FOXN3: variants seen among roughly 807,000 people sequenced by gnomAD.
The protein encoded by FOXN3 is forkhead box protein N3.
Under a neutral mutation model 38.4 loss-of-function variants are expected in FOXN3, and 7 were observed. The observed-to-expected ratio is 0.18, with a 90% confidence interval of 0.10 to 0.34. The LOEUF is 0.34. FOXN3 is among the 10% of genes least tolerant of loss of function. FOXN3 has a pLI of 1.00. For synonymous variants in FOXN3, 230 were observed against 242.2 expected (o/e 0.95, Z 0.47); for missense variants, 456 against 613.4 (o/e 0.74, Z 2.71).
Position 89,162,596 on chromosome 14 carries a change from G to A in FOXN3, c.1225C>T (p.Pro409Ser). Residue 409 changes from proline (P) to serine (S), a missense_variant, in exon 6 of 6, where the codon CCC (proline) becomes TCC (serine). By Grantham distance (74) the Pro-to-Ser change is moderately conservative. Coordinates refer to ENST00000557258, the MANE Select transcript of FOXN3 (RefSeq NM_005197.4). This position sits in a 1 kb window ranked among gnomAD's most constrained non-coding sequence, Gnocchi z 7.2. ...TTTTTGAGGGGCAGTGTGTCGCTGG[G>A]GACCTTCCTGGCCTTGGCGAAGTGC... ...RQHFAKARKVPSDTLPLKKRR... is the reference protein window; with the variant it reads ...RQHFAKARKVSSDTLPLKKRR... 6.2e-7 allele frequency: 1 copy of A among 1,613,888 alleles called. No homozygotes were observed. Among genetic ancestry groups the A allele is most frequent in the Non-Finnish European group, 8.5e-7 (1 of 1,179,980 alleles).
chr14:89,324,522 G>A (rs957205187), intron 3 of FOXN3, among the ~76,000 whole-genome samples: 5 of 151,780 alleles, frequency 3.3e-5, no homozygotes, highest in African/African-American at 7.3e-5. Flanking sequence ...AAAACAAAGC[G>A]GCAGTAGGAT....
At chr14:89,602,710 C>A (rs1254814757) in intron 1 of FOXN3, among the ~76,000 whole-genome samples, 14 of 152,158 alleles carry the variant, frequency 9.2e-5, no homozygotes, top group Admixed American at 5.9e-4. Context: ...CTTGGCCAGG[C>A]TGGTCTTGAA....
rs557729050 is a variant in FOXN3, at chr14:89,546,552, A to G, written c.-15+72476T>C. On this transcript the variant is annotated intron_variant, in intron 1 of 6. Coordinates refer to the FOXN3 transcript ENST00000345097. ...CACCATGTTGGCCAGGATGGTCTCA[A>G]TCTCTTGACCTCGTGATCCACCCAC... Among the ~76,000 whole-genome samples the G allele has an allele frequency of 6.0e-5, 9 of 150,756 alleles. No individual in the cohort carries two copies. The South Asian group carries it at 1.7e-3, about 28-fold the overall frequency.
At chr14:89,416,440 C>G (rs1323021340) in intron 1 of FOXN3, among the ~76,000 whole-genome samples, 1 of 152,124 alleles carries the variant, frequency 6.6e-6, no homozygotes, top group Non-Finnish European at 1.5e-5. Context: ...TGAGGGGGGT[C>G]GGGCCTCGGG....
At chr14:89,324,443 CGTGTGT>C (rs71130053) in intron 3 of FOXN3, among the ~76,000 whole-genome samples, 23,609 of 143,310 alleles carry the variant, frequency 0.16, 1,837 homozygotes, top group African/African-American at 0.21. Context: ...TAAGTGTGTG[CGTGTGT>C]GTGTGTGTGT....
chr14:89,403,559 G>C (rs953553904), intron 2 of FOXN3, among the ~76,000 whole-genome samples: 2 of 152,230 alleles, frequency 1.3e-5, no homozygotes, highest in East Asian at 3.8e-4. Flanking sequence ...ATTTACTGCA[G>C]AGAATTATCC....
chr14:89,314,622 G>A (rs1047930966), intron 3 of FOXN3, among the ~76,000 whole-genome samples: 6 of 152,168 alleles, frequency 3.9e-5, no homozygotes, highest in Admixed American at 1.3e-4. Context: ...TGCTTAATAA[G>A]TGTCGTGCAA....
intron 1 of FOXN3, among the ~76,000 whole-genome samples, chr14:89,602,820 C>G (rs1373841471): frequency 6.6e-6 from 1 of 152,080 alleles, no homozygotes; most frequent in Non-Finnish European, 1.5e-5. Context: ...AAGTCCAGCA[C>G]AACATTCACA....
intron 3 of FOXN3, among the ~76,000 whole-genome samples, chr14:89,308,352 C>G (rs1268081032): frequency 6.6e-6 from 1 of 152,242 alleles, no homozygotes; most frequent in Non-Finnish European, 1.5e-5. Flanking sequence ...GGAATTAGCT[C>G]TCCTAAAATG....
chr14:89,473,257 C>T lies in FOXN3; in HGVS notation c.-14-60767G>A, dbSNP rs148558620. ...GCCAGGATGGGCTTGATCTCCTGACCTCGTGATCCTCCCGCCTCGGCCTCC... is the reference window on the plus strand; with the variant it reads ...GCCAGGATGGGCTTGATCTCCTGACTTCGTGATCCTCCCGCCTCGGCCTCC... On this transcript the variant is annotated intron_variant, in intron 1 of 6. Transcript: ENST00000345097. 8.9e-3 allele frequency among the ~76,000 whole-genome samples: 1,354 copies of T among 152,160 alleles called. 15 individuals carry two copies. Among genetic ancestry groups the T allele is most frequent in the African/African-American group, 0.031 (1,298 of 41,520 alleles).
At chr14:89,485,356 G>C (rs1893426008) in intron 1 of FOXN3, among the ~76,000 whole-genome samples, 1 of 151,990 alleles carries the variant, frequency 6.6e-6, no homozygotes, top group Non-Finnish European at 1.5e-5. Flanking sequence ...GAACTCTCTG[G>C]ATGAGCTCCC....
intron 3 of FOXN3, among the ~76,000 whole-genome samples, chr14:89,328,468 A>AATGGGTGAAGAGACATTCCCAAC (rs2139982751): frequency 6.6e-6 from 1 of 151,994 alleles, no homozygotes; most frequent in East Asian, 1.9e-4. Flanking sequence ...GCCCTGGTTG[A>AATGGGTGAAGAGACATTCCCAAC]ATGGGTGAAG....
At chr14:89,174,359 G>A (rs1249536360) in intron 5 of FOXN3, among the ~76,000 whole-genome samples, 2 of 152,210 alleles carry the variant, frequency 1.3e-5, no homozygotes, top group Admixed American at 6.5e-5. Flanking sequence ...CAGGTGGTCA[G>A]CTCTAAGAGT....
chr14:89,487,867 G>A (rs557967758), intron 1 of FOXN3, among the ~76,000 whole-genome samples: 2 of 152,168 alleles, frequency 1.3e-5, no homozygotes, highest in South Asian at 4.2e-4. Flanking sequence ...ACGAAAGGAA[G>A]GCATCATGAA....
chr14:89,354,515 C>T (rs1439968205), intron 2 of FOXN3, among the ~76,000 whole-genome samples: 1 of 147,076 alleles, frequency 6.8e-6, no homozygotes, highest in East Asian at 2.0e-4. Flanking sequence ...GCGTGAGCCA[C>T]TGCGCCCGGC....
At chr14:89,190,211 C>T (rs1051733691) in intron 4 of FOXN3, among the ~76,000 whole-genome samples, 1 of 152,258 alleles carries the variant, frequency 6.6e-6, no homozygotes, top group Non-Finnish European at 1.5e-5. Context: ...CATACATATG[C>T]ATGGCTGCAT....
intron 1 of FOXN3, among the ~76,000 whole-genome samples, chr14:89,536,932 A>C (rs937786483): frequency 6.6e-6 from 1 of 152,224 alleles, no homozygotes; most frequent in Non-Finnish European, 1.5e-5. Flanking sequence ...TATAAAATCC[A>C]AATTCTTTAT....
At chr14:89,171,078 C>A (rs188676257) in intron 5 of FOXN3, among the ~76,000 whole-genome samples, 1 of 150,070 alleles carries the variant, frequency 6.7e-6, no homozygotes. Flanking sequence ...AAATCTATGG[C>A]GAAATTAAGC....
chr14:89,334,164 C>T (rs1263282195), intron 3 of FOXN3, among the ~76,000 whole-genome samples: 1 of 151,752 alleles, frequency 6.6e-6, no homozygotes, highest in East Asian at 1.9e-4. Flanking sequence ...ACACAAATAG[C>T]ACATGATCTC....
Sources: gnomAD v4.1 joint callset for allele counts (sites outside exome capture counted in the v4.1 genomes callset) on GRCh38, gnomAD v4.1.1 for gene constraint, Gnocchi (gnomAD v3.1) non-coding constraint, MANE v1.5 for transcripts, NCBI Gene and HGNC (gene_info 2026-07-23, HGNC 2026-07-21) for gene names.